Variants in TANC1 observed in about 807,000 individuals in gnomAD.
TANC1 encodes protein TANC1.
TANC1 carries 77 observed loss-of-function variants against 149.7 expected under a neutral mutation model. The ratio of observed to expected loss-of-function variants is 0.51; its 90% CI spans 0.43 to 0.62. The LOEUF is 0.62. TANC1 is among the 20% of genes least tolerant of loss of function. TANC1 has a pLI of 0.00. For synonymous variants in TANC1, 854 were observed against 925.0 expected, an observed-to-expected ratio of 0.92 and a Z score of 1.39; for missense variants, 1,985 against 2,321.8, an observed-to-expected ratio of 0.85 and a Z score of 2.98.
At chr2:159,207,043 G>A (rs2058655074) in intron 19 of TANC1, among the ~76,000 whole-genome samples, 1 of 152,148 alleles carries the variant, frequency 6.6e-6, no homozygotes, top group Non-Finnish European at 1.5e-5. Flanking sequence ...TTTAAATTGA[G>A]GTTACATTAT....
chr2:159,090,795 C>G (rs193121346), intron 3 of TANC1, among the ~76,000 whole-genome samples: 92 of 152,322 alleles, frequency 6.0e-4, no homozygotes, highest in African/African-American at 2.1e-3. Context: ...CCAAATGCTG[C>G]AAGAGTTAAT....
intron 12 of TANC1, 93 bp downstream of exon 12, chr2:159,175,277 T>A: frequency 1.0e-6 from 1 of 1,000,766 alleles, no homozygotes; most frequent in Non-Finnish European, 1.5e-6. Flanking sequence ...CGGGCTGGGG[T>A]AGAAGTGAGG....
chr2:159,027,816 G>T (rs1396900706), intron 2 of TANC1, among the ~76,000 whole-genome samples: 2 of 152,158 alleles, frequency 1.3e-5, no homozygotes, highest in African/African-American at 4.8e-5. Flanking sequence ...ATTTCTCACA[G>T]TTCTGGAGGC....
chr2:159,161,497 T>C (rs1419436542), intron 7 of TANC1, among the ~76,000 whole-genome samples: 1 of 152,232 alleles, frequency 6.6e-6, no homozygotes, highest in Non-Finnish European at 1.5e-5. Context: ...ATTTTTATGC[T>C]TCAAGCTTAT....
intron 4 of TANC1, among the ~76,000 whole-genome samples, chr2:159,132,957 G>A (rs1184163206): frequency 6.6e-6 from 1 of 152,128 alleles, no homozygotes; most frequent in Non-Finnish European, 1.5e-5. Context: ...GGCTCTGGGT[G>A]ATACTGGGTT....
chr2:159,086,831 C>A (rs2044919410), intron 3 of TANC1, among the ~76,000 whole-genome samples: 1 of 151,970 alleles, frequency 6.6e-6, no homozygotes, highest in Admixed American at 6.6e-5. Flanking sequence ...ACTTATTTTT[C>A]CATTATAAAA....
intron 13 of TANC1, among the ~76,000 whole-genome samples, chr2:159,178,160 G>A (rs2056080575): frequency 6.6e-6 from 1 of 152,240 alleles, no homozygotes; most frequent in African/African-American, 2.4e-5. Flanking sequence ...GTTCTTAGAT[G>A]TGCAGTGTTG....
chr2:159,051,649 G>GTT (rs34215875), intron 2 of TANC1, among the ~76,000 whole-genome samples: 8 of 109,542 alleles, frequency 7.3e-5, no homozygotes, highest in Non-Finnish European at 1.5e-4. Context: ...TTGAAGTGGT[G>GTT]TTTGTGTGTG....
chr2:159,027,349 G>A (rs1297494766), intron 2 of TANC1, among the ~76,000 whole-genome samples: 1 of 152,156 alleles, frequency 6.6e-6, no homozygotes, highest in Non-Finnish European at 1.5e-5. Context: ...CTCAAGCTCT[G>A]CATTTCACAA....
rs146641254 is a variant in TANC1, at chr2:159,228,666, C to T, written c.4051-130C>T. On this transcript the variant is annotated intron_variant, in intron 25 of 26. Coordinates refer to ENST00000263635, the MANE Select transcript of TANC1 (RefSeq NM_033394.3). ...CCTCACTTTAAAACAAGATAGAAAA[C>T]GGAACTTTCCCTTCCTCCCTCTCTG... 902 of 675,840 alleles carry T rather than the reference C, an allele frequency of 1.3e-3. 1 individual carries two copies. Among genetic ancestry groups the T allele is most frequent in the Admixed American group, 2.2e-3 (93 of 42,858 alleles). The allele number at this position is 675,840 out of a possible 1,614,324, so 41.9% of individuals were successfully genotyped here.
At chr2:158,999,712 ACAT>A (rs1324469740) in intron 1 of TANC1, among the ~76,000 whole-genome samples, 1 of 152,228 alleles carries the variant, frequency 6.6e-6, no homozygotes, top group Non-Finnish European at 1.5e-5. Flanking sequence ...AAAATGTCCG[ACAT>A]CATATGTAAG....
At chr2:159,137,674 A>T (rs2050906894) in intron 5 of TANC1, among the ~76,000 whole-genome samples, 1 of 152,168 alleles carries the variant, frequency 6.6e-6, no homozygotes, top group African/African-American at 2.4e-5. Flanking sequence ...TCCTGAAAGG[A>T]AAGTAAAATC....
chr2:159,150,395 G>A lies in TANC1; in HGVS notation c.521G>A (p.Ser174Asn), dbSNP rs750049671. Reference protein sequence around the residue: ...TMCTALSQGISPCSTLTSSTA... With the variant: ...TMCTALSQGINPCSTLTSSTA... Reference sequence around the variant, plus strand: ...TGCACAGCTCTGAGTCAAGGCATCAGTCCTTGCTCCACACTAACAAGCAGC... The same window carrying A: ...TGCACAGCTCTGAGTCAAGGCATCAATCCTTGCTCCACACTAACAAGCAGC... The change falls in exon 7 of 27, where the codon AGT (serine) becomes AAT (asparagine). Residue 174 changes from serine (S) to asparagine (N), a missense_variant. Ser to Asn is a conservative substitution (Grantham distance 46). Coordinates refer to ENST00000263635, the MANE Select transcript of TANC1 (RefSeq NM_033394.3). The A allele has an allele frequency of 6.2e-7, 1 of 1,614,078 alleles. No homozygotes were observed. Among genetic ancestry groups the A allele is most frequent in the Non-Finnish European group, 8.5e-7 (1 of 1,180,014 alleles).
intron 19 of TANC1, among the ~76,000 whole-genome samples, chr2:159,204,903 C>G (rs1220041033): frequency 6.6e-6 from 1 of 152,230 alleles, no homozygotes; most frequent in African/African-American, 2.4e-5. Flanking sequence ...TCGTAGGCCT[C>G]CCTTTGTGTA....
chr2:159,217,732 C>A, intron 20 of TANC1, 102 bp downstream of exon 20: 1 of 1,434,620 alleles, frequency 7.0e-7, no homozygotes, highest in Middle Eastern at 2.5e-4. Flanking sequence ...CTGAGCCTGT[C>A]TGTTCCCCAT....
chr2:159,179,499 A>T (rs907588102), intron 14 of TANC1, among the ~76,000 whole-genome samples: 1 of 151,940 alleles, frequency 6.6e-6, no homozygotes, highest in African/African-American at 2.4e-5. Flanking sequence ...AGGATCATGC[A>T]TGGGAATGTG....
intron 19 of TANC1, among the ~76,000 whole-genome samples, chr2:159,216,390 C>T (rs2059346523): frequency 6.6e-6 from 1 of 152,184 alleles, no homozygotes; most frequent in African/African-American, 2.4e-5. Flanking sequence ...TGCTGTGCTC[C>T]ATCTCCTTCC....
rs779572673 is a variant in TANC1 at position 159,225,795 on chromosome 2, C to G, written c.3903+16C>G. ...GATGTACAAAGTAAGTGGTTCCGCC[C>G]TTTTCTTTGCCATTGAAACTGCCTG... On this transcript the variant is annotated intron_variant, in intron 24 of 26. Coordinates refer to ENST00000263635, the MANE Select transcript of TANC1 (RefSeq NM_033394.3). 15 of 1,594,614 alleles carry G rather than the reference C, an allele frequency of 9.4e-6. No individual in the cohort carries two copies. The highest frequency in any genetic ancestry group is 1.7e-4 in the Middle Eastern group (1 of 6,056).
At chr2:159,172,774 A>T (rs983831494) in intron 11 of TANC1, among the ~76,000 whole-genome samples, 2 of 152,194 alleles carry the variant, frequency 1.3e-5, no homozygotes, top group Non-Finnish European at 2.9e-5. Flanking sequence ...TCTTCTGCTT[A>T]GCACCCATCA....
Sources: gnomAD v4.1 joint callset for allele counts (sites outside exome capture counted in the v4.1 genomes callset) on GRCh38, gnomAD v4.1.1 for gene constraint, MANE v1.5 for transcripts, NCBI Gene and HGNC (gene_info 2026-07-23, HGNC 2026-07-21) for gene names.